Variants in KIF11 observed in about 807,000 individuals in gnomAD.
KIF11 encodes kinesin-like protein KIF11.
KIF11 carries 9 observed loss-of-function variants against 121.0 expected under a neutral mutation model. The ratio of observed to expected loss-of-function variants is 0.07; its 90% CI spans 0.04 to 0.13. The LOEUF (loss-of-function observed/expected upper bound fraction) is 0.13. Among genes scored for constraint, KIF11 ranks in the 10% least tolerant of loss-of-function variants. The probability of loss-of-function intolerance (pLI) is 1.00; values close to 1 mark genes in which losing one functional copy is unlikely to be tolerated. For synonymous variants in KIF11, 408 were observed against 421.0 expected, an observed-to-expected ratio of 0.97 and a Z score of 0.38; for missense variants, 846 against 1,217.5, an observed-to-expected ratio of 0.69 and a Z score of 4.54.
Position 92,605,482 on chromosome 10 carries a change from A to ATTTTTTTTTT in KIF11, c.78-771_78-762dup, listed in dbSNP as rs58660991. 1.5e-4 allele frequency among the ~76,000 whole-genome samples: 15 copies of ATTTTTTTTTT among 98,306 alleles called. 1 individual carries two copies. The highest frequency in any genetic ancestry group is 5.8e-4 in the African/African-American group (14 of 24,226). The allele number at this position is 98,306 out of a possible 152,430, so 64.5% of individuals were successfully genotyped here. A position where few individuals can be genotyped will look rare whatever the true frequency, so the allele number is the denominator to read the frequency against. On this transcript the variant is annotated intron_variant, in intron 1 of 21. Transcript: ENST00000260731. ...CTACATCATAACCTAATTTGATCGGATTTTTTTTTTTTTTTTTTTTTGAGA... is the reference window on the plus strand; with the variant it reads ...CTACATCATAACCTAATTTGATCGGATTTTTTTTTTTTTTTTTTTTTTTTTTTTTTTGAGA...
At chr10:92,622,249 G>A (rs1844625981) in intron 10 of KIF11, among the ~76,000 whole-genome samples, 1 of 152,020 alleles carries the variant, frequency 6.6e-6, no homozygotes. Context: ...ACTCCAGCCT[G>A]GGCAACAAGA....
intron 18 of KIF11, among the ~76,000 whole-genome samples, chr10:92,646,331 A>G (rs1844919234): frequency 6.6e-6 from 1 of 152,164 alleles, no homozygotes; most frequent in South Asian, 2.1e-4. Context: ...TCTGGTAACT[A>G]AAGGATACTT....
chr10:92,613,776 G>A lies in KIF11; in HGVS notation c.1032+157G>A, dbSNP rs1844520834. Among the ~76,000 whole-genome samples, 1 of 152,000 alleles carries A rather than the reference G, an allele frequency of 6.6e-6. No homozygotes were observed. Among genetic ancestry groups the A allele is most frequent in the African/African-American group, 2.4e-5 (1 of 41,380 alleles). ...AGGTGGGCGGATCACTTGAGCTTAGGAGTGCCTGGGCAACATGCCGAAACC... is the reference window on the plus strand; with the variant it reads ...AGGTGGGCGGATCACTTGAGCTTAGAAGTGCCTGGGCAACATGCCGAAACC... On this transcript the variant is annotated intron_variant, in intron 8 of 21. Transcript: ENST00000260731. The surrounding 1 kb of genome is among the most constrained non-coding windows in gnomAD (Gnocchi z 4.2).
chr10:92,608,109 T>A (rs183677531), intron 4 of KIF11, among the ~76,000 whole-genome samples: 4,998 of 146,352 alleles, frequency 0.034, 335 homozygotes, highest in African/African-American at 0.12. Flanking sequence ...CTAGTTAATT[T>A]AAAAAAAAAA....
intron 21 of KIF11, among the ~76,000 whole-genome samples, chr10:92,652,145 T>A (rs145406999): frequency 0.013 from 1,972 of 151,688 alleles, 46 homozygotes; most frequent in African/African-American, 0.044. Context: ...TCTTGTTTTG[T>A]TTTTTTGTTT....
At chr10:92,600,855 TTTTC>T (rs1261550271) in intron 1 of KIF11, among the ~76,000 whole-genome samples, 3 of 152,062 alleles carry the variant, frequency 2.0e-5, no homozygotes, top group Non-Finnish European at 2.9e-5. Context: ...TACTTTTTCC[TTTTC>T]TTTCTTTTTT....
intron 1 of KIF11, among the ~76,000 whole-genome samples, chr10:92,596,301 C>T (rs1844296116): frequency 6.6e-6 from 1 of 152,210 alleles, no homozygotes; most frequent in African/African-American, 2.4e-5. Flanking sequence ...CGGAGCCCGG[C>T]CTTGAGTTAC....
At position 92,653,745 on chromosome 10, in the gene KIF11, G is replaced by C; in HGVS notation, c.3120G>C (p.Glu1040Asp). The change falls in exon 22 of 22, where the codon GAG (glutamate) becomes GAC (aspartate). Residue 1040 changes from glutamate (E) to aspartate (D), a missense_variant. Coordinates refer to ENST00000260731, the MANE Select transcript of KIF11 (RefSeq NM_004523.4). ...LERSKVEETT[E>D]HLVTKSRLPL... ...GGTCTAAAGTGGAAGAAACTACAGAGCACTTGGTTACAAAGAGCAGATTAC... is the reference window on the plus strand; with the variant it reads ...GGTCTAAAGTGGAAGAAACTACAGACCACTTGGTTACAAAGAGCAGATTAC... The C allele has an allele frequency of 1.2e-6, 2 of 1,613,800 alleles. No homozygotes were observed. Among genetic ancestry groups the C allele is most frequent in the Non-Finnish European group, 8.5e-7 (1 of 1,179,704 alleles).
intron 1 of KIF11, among the ~76,000 whole-genome samples, chr10:92,599,484 C>T (rs1490372591): frequency 2.1e-5 from 3 of 146,156 alleles, no homozygotes; most frequent in African/African-American, 7.7e-5. Context: ...AAGATCGTGC[C>T]ACTGTACTCC....
intron 1 of KIF11, chr10:92,596,767 A>G (rs1000750194): frequency 1.3e-5 from 2 of 152,596 alleles, no homozygotes; most frequent in Non-Finnish European, 2.9e-5. Context: ...GGATATTTTC[A>G]GATACATAAA....
At chr10:92,623,832 G>A (rs79148271) in intron 10 of KIF11, among the ~76,000 whole-genome samples, 135 of 152,204 alleles carry the variant, frequency 8.9e-4, no homozygotes, top group Middle Eastern at 3.4e-3. Context: ...AACTTAAGAA[G>A]TAACTTTGGT....
At chr10:92,638,870 G>A (rs77697905) in intron 16 of KIF11, among the ~76,000 whole-genome samples, 60 of 152,312 alleles carry the variant, frequency 3.9e-4, no homozygotes, top group African/African-American at 1.4e-3. Flanking sequence ...CAGAGATACT[G>A]GCCAACCAGC....
chr10:92,618,030 G>A (rs1036152167), intron 9 of KIF11, among the ~76,000 whole-genome samples: 5 of 152,064 alleles, frequency 3.3e-5, no homozygotes, highest in South Asian at 2.1e-4. Flanking sequence ...GAGCCAATAC[G>A]CCTGGCCCCA....
At chr10:92,626,303 A>G (rs1340600226) in intron 10 of KIF11, among the ~76,000 whole-genome samples, 1 of 152,344 alleles carries the variant, frequency 6.6e-6, no homozygotes, top group East Asian at 1.9e-4. Context: ...AGAACATGCA[A>G]TGGGGATAAA....
At chr10:92,608,026 A>G (rs914462537) in intron 4 of KIF11, among the ~76,000 whole-genome samples, 4 of 151,384 alleles carry the variant, frequency 2.6e-5, no homozygotes, top group Non-Finnish European at 1.5e-5. Context: ...GTGGTGGTGC[A>G]TACGTGTAAT....
intron 21 of KIF11, 46 bp from the exon 22 acceptor site, chr10:92,653,619 T>C: frequency 1.3e-6 from 2 of 1,560,422 alleles, no homozygotes; most frequent in Non-Finnish European, 1.8e-6. Context: ...AATGTGTATC[T>C]AATGTTACTT....
intron 21 of KIF11, among the ~76,000 whole-genome samples, chr10:92,650,904 A>T (rs1334224315): frequency 1.3e-5 from 2 of 152,042 alleles, no homozygotes; most frequent in Non-Finnish European, 2.9e-5. Context: ...AGATTGAGAG[A>T]CTGGAGGCCT....
At chr10:92,614,037 C>T (rs1295265264) in intron 8 of KIF11, among the ~76,000 whole-genome samples, 89 of 143,362 alleles carry the variant, frequency 6.2e-4, no homozygotes, top group East Asian at 3.0e-3. Flanking sequence ...CACACACACA[C>T]ACACACACAC....
At chr10:92,644,716 T>TA in intron 17 of KIF11, among the ~76,000 whole-genome samples, 1 of 152,290 alleles carries the variant, frequency 6.6e-6, no homozygotes, top group Admixed American at 6.5e-5. Context: ...CTAGTGGTAA[T>TA]AGAGAGTCAC....
Sources: gnomAD v4.1 joint callset for allele counts (sites outside exome capture counted in the v4.1 genomes callset) on GRCh38, gnomAD v4.1.1 for gene constraint, Gnocchi (gnomAD v3.1) non-coding constraint, MANE v1.5 for transcripts, NCBI Gene and HGNC (gene_info 2026-07-23, HGNC 2026-07-21) for gene names.